The following SLIT2 variants were observed in gnomAD, a reference collection of about 807,000 sequenced individuals.
SLIT2 encodes the protein slit homolog 2 protein.
A neutral mutation model predicts 185.7 loss-of-function variants in SLIT2; 41 were observed. The ratio of observed to expected loss-of-function variants is 0.22; its 90% CI spans 0.17 to 0.29. The LOEUF is 0.29. SLIT2 is among the 10% of genes least tolerant of loss of function. The probability of loss-of-function intolerance (pLI) is 1.00; values close to 1 mark genes in which losing one functional copy is unlikely to be tolerated. For missense variants in SLIT2, 1,571 were observed against 1,909.0 expected (o/e 0.82, Z 3.30); for synonymous variants, 693 against 680.2 (o/e 1.02, Z -0.29).
intron 4 of SLIT2, among the ~76,000 whole-genome samples, chr4:20,329,662 C>T (rs920640022): frequency 6.6e-6 from 1 of 152,076 alleles, no homozygotes; most frequent in Non-Finnish European, 1.5e-5. Context: ...GCTCACATCT[C>T]TCAAAGTTAG....
At chr4:20,459,153 T>G (rs1414740413) in intron 4 of SLIT2, among the ~76,000 whole-genome samples, 1 of 150,906 alleles carries the variant, frequency 6.6e-6, no homozygotes, top group Non-Finnish European at 1.5e-5. Context: ...ACAGTTTTGG[T>G]GTAGGAACAG....
chr4:20,595,828 G>T lies in SLIT2; in HGVS notation c.3314G>T (p.Gly1105Val), dbSNP rs1396925393. The change falls in exon 31 of 37, where the codon GGT (glycine) becomes GTT (valine). Residue 1105 changes from glycine to valine, a missense_variant. Gly to Val is a moderately radical substitution (Grantham distance 109). Coordinates refer to ENST00000504154, the MANE Select transcript of SLIT2 (RefSeq NM_004787.4). Reference sequence around the variant, plus strand: ...GGCTATACGTGCATATGCCCCGAAGGTTACAGGTAAAAGCAGAAATGAATA... The same window carrying T: ...GGCTATACGTGCATATGCCCCGAAGTTTACAGGTAAAAGCAGAAATGAATA... ...VNGYTCICPEGYSGLFCEFSP... is the reference protein window; with the variant it reads ...VNGYTCICPEVYSGLFCEFSP... The T allele has an allele frequency of 6.2e-7, 1 of 1,613,408 alleles. No individual in the cohort carries two copies.
chr4:20,274,737 T>C (rs1713989138), intron 4 of SLIT2, among the ~76,000 whole-genome samples: 1 of 138,548 alleles, frequency 7.2e-6, no homozygotes, highest in Non-Finnish European at 1.6e-5. Flanking sequence ...CAAGAAAGTT[T>C]CTGTGTTTTT....
intron 4 of SLIT2, among the ~76,000 whole-genome samples, chr4:20,321,286 C>A (rs1213656034): frequency 6.6e-6 from 1 of 152,166 alleles, no homozygotes. Context: ...TAGTCAATTG[C>A]CAAAATTCTG....
intron 4 of SLIT2, among the ~76,000 whole-genome samples, chr4:20,292,834 T>C (rs770218529): frequency 4.6e-4 from 70 of 152,204 alleles, no homozygotes; most frequent in Non-Finnish European, 7.6e-4. Flanking sequence ...TATTATATGA[T>C]TGAGTAATGA....
intron 4 of SLIT2, among the ~76,000 whole-genome samples, chr4:20,433,100 A>G (rs1457192705): frequency 6.6e-6 from 1 of 152,194 alleles, no homozygotes; most frequent in Non-Finnish European, 1.5e-5. Context: ...AACTCTGTGT[A>G]TGTGTATACC....
intron 18 of SLIT2, among the ~76,000 whole-genome samples, 196 bp downstream of exon 18, chr4:20,533,911 A>G (rs1722034637): frequency 1.4e-5 from 2 of 142,310 alleles, no homozygotes; most frequent in Admixed American, 7.3e-5. Flanking sequence ...CCTTACCCCA[A>G]TATTCCTGCC....
intron 29 of SLIT2, among the ~76,000 whole-genome samples, chr4:20,584,174 A>G (rs981048188): frequency 1.3e-5 from 2 of 152,206 alleles, no homozygotes; most frequent in African/African-American, 4.8e-5. Flanking sequence ...CTCTAATTCC[A>G]GAGCCTCAGT....
At chr4:20,348,127 G>A (rs1721577664) in intron 4 of SLIT2, among the ~76,000 whole-genome samples, 1 of 152,182 alleles carries the variant, frequency 6.6e-6, no homozygotes, top group Non-Finnish European at 1.5e-5. Flanking sequence ...TTTGACTAAA[G>A]TTTTTAATTT....
intron 4 of SLIT2, among the ~76,000 whole-genome samples, chr4:20,307,533 T>G (rs1017828967): frequency 3.9e-5 from 6 of 152,086 alleles, no homozygotes; most frequent in Admixed American, 1.3e-4. Context: ...GTATTGGGAT[T>G]ATAGGCATGA....
chr4:20,464,425 A>C (rs1282932488), intron 4 of SLIT2, among the ~76,000 whole-genome samples: 1 of 152,142 alleles, frequency 6.6e-6, no homozygotes, highest in African/African-American at 2.4e-5. Flanking sequence ...CTTCCAAAAA[A>C]TCAACTCCAA....
intron 4 of SLIT2, among the ~76,000 whole-genome samples, chr4:20,453,057 A>AATC (rs1457186426): frequency 3.3e-5 from 5 of 152,348 alleles, no homozygotes; most frequent in African/African-American, 1.2e-4. Flanking sequence ...CTAGCTGCAT[A>AATC]ATCAAGGGTG....
chr4:20,570,035 C>G (rs1347614838), intron 29 of SLIT2, among the ~76,000 whole-genome samples: 1 of 152,054 alleles, frequency 6.6e-6, no homozygotes, highest in Non-Finnish European at 1.5e-5. Context: ...TTACTAGGTA[C>G]CTTTCTTGAT....
At chr4:20,485,538 C>A (rs1717135674) in intron 6 of SLIT2, among the ~76,000 whole-genome samples, 1 of 152,140 alleles carries the variant, frequency 6.6e-6, no homozygotes, top group South Asian at 2.1e-4. Flanking sequence ...ACTGCTGCCA[C>A]ACAGCAGTAA....
At position 20,542,562 on chromosome 4, in the gene SLIT2, G is replaced by C. The variant is rs781129571; in HGVS notation, c.2212G>C (p.Val738Leu). 6.2e-7 allele frequency: 1 copy of C among 1,613,764 alleles called. No homozygotes were observed. The highest frequency in any genetic ancestry group is 8.5e-7 in the Non-Finnish European group (1 of 1,179,774). Residue 738 changes from valine to leucine, a missense_variant, in exon 21 of 37, where the codon GTC becomes CTC. Physicochemically the swap from Val to Leu is conservative, Grantham distance 32. Around this residue, in one of 3 missense-constraint regions of SLIT2, gnomAD observed 1,202 missense variants for 1,416.4 expected, o/e 0.85. Coordinates refer to ENST00000504154, the MANE Select transcript of SLIT2 (RefSeq NM_004787.4). ...PTECTCLDTV[V>L]RCSNKGLKVL... ...TGAATGTACTTGCTTGGATACAGTC[G>C]TCCGATGTAGCAACAAGGGTTTGAA...
chr4:20,500,673 A>G (rs1156892511), intron 9 of SLIT2, among the ~76,000 whole-genome samples: 1 of 152,168 alleles, frequency 6.6e-6, no homozygotes, highest in Non-Finnish European at 1.5e-5. Flanking sequence ...TGGAAACACT[A>G]TGTAGGAAAC....
intron 9 of SLIT2, 130 bp downstream of exon 9, chr4:20,492,029 A>T: frequency 3.7e-6 from 3 of 803,620 alleles, no homozygotes; most frequent in Non-Finnish European, 5.9e-6. Context: ...CTCTTCAGAA[A>T]TGTATTGATT....
chr4:20,606,306 C>A (rs1293162319), intron 33 of SLIT2, among the ~76,000 whole-genome samples: 1 of 152,034 alleles, frequency 6.6e-6, no homozygotes, highest in Non-Finnish European at 1.5e-5. Context: ...CATGGCAATA[C>A]CCTATCTCTA....
At chr4:20,386,259 T>C (rs1724929949) in intron 4 of SLIT2, among the ~76,000 whole-genome samples, 2 of 152,304 alleles carry the variant, frequency 1.3e-5, no homozygotes, top group South Asian at 2.1e-4. Context: ...AGCAAGAGAA[T>C]TGACAGCAGT....
Sources: gnomAD v4.1 joint callset for allele counts (sites outside exome capture counted in the v4.1 genomes callset) on GRCh38, gnomAD v4.1.1 for gene constraint, gnomAD v4.1.1 regional missense constraint, MANE v1.5 for transcripts, NCBI Gene and HGNC (gene_info 2026-07-23, HGNC 2026-07-21) for gene names.